SPATA16: variants seen among roughly 807,000 people sequenced by gnomAD.
The protein encoded by SPATA16 is spermatogenesis-associated protein 16.
Under a neutral mutation model 63.3 loss-of-function variants are expected in SPATA16, and 36 were observed. The ratio of observed to expected loss-of-function variants is 0.57; its 90% CI spans 0.44 to 0.75. SPATA16 has a LOEUF of 0.75. SPATA16 is among the 30% of genes least tolerant of loss of function. The pLI is 0.00. For missense variants in SPATA16, 646 were observed against 679.3 expected (o/e 0.95, Z 0.54); for synonymous variants, 203 against 216.7 (o/e 0.94, Z 0.56).
chr3:173,065,985 C>T (rs1350194607), intron 2 of SPATA16, among the ~76,000 whole-genome samples: 3 of 152,170 alleles, frequency 2.0e-5, no homozygotes, highest in African/African-American at 7.2e-5. Flanking sequence ...ACTTGGGGTG[C>T]ATGCAGCTAT....
chr3:173,024,026 C>T (rs1386034925), intron 3 of SPATA16, among the ~76,000 whole-genome samples: 1 of 151,378 alleles, frequency 6.6e-6, no homozygotes, highest in Admixed American at 6.6e-5. Flanking sequence ...TACTGAATCA[C>T]ATTTTAACGA....
At chr3:172,980,546 T>G (rs770364499) in intron 4 of SPATA16, among the ~76,000 whole-genome samples, 1 of 152,170 alleles carries the variant, frequency 6.6e-6, no homozygotes, top group South Asian at 2.1e-4. Flanking sequence ...TCTGCTAATT[T>G]TGAGCCTTTA....
intron 4 of SPATA16, among the ~76,000 whole-genome samples, chr3:173,013,778 C>T (rs1432732497): frequency 6.6e-6 from 1 of 152,164 alleles, no homozygotes; most frequent in African/African-American, 2.4e-5. Flanking sequence ...TTAAATAAAA[C>T]AGAATACTTG....
intron 2 of SPATA16, among the ~76,000 whole-genome samples, chr3:173,065,415 C>G (rs7627208): frequency 0.24 from 36,179 of 151,960 alleles, 5,845 homozygotes; most frequent in African/African-American, 0.47. Flanking sequence ...GTATTTCTAA[C>G]AAGAATTTAA....
intron 10 of SPATA16, among the ~76,000 whole-genome samples, chr3:172,901,027 A>C (rs1732116232): frequency 6.6e-6 from 1 of 151,398 alleles, no homozygotes; most frequent in Non-Finnish European, 1.5e-5. Flanking sequence ...CCATCCAATA[A>C]ATTTTTTGTT....
chr3:173,024,663 T>C (rs896740020), intron 3 of SPATA16, among the ~76,000 whole-genome samples: 4 of 150,802 alleles, frequency 2.7e-5, no homozygotes, highest in Non-Finnish European at 5.9e-5. Flanking sequence ...AATGCTATGA[T>C]TTTTATGAAA....
At chr3:172,968,721 A>G (rs1193619194) in intron 5 of SPATA16, among the ~76,000 whole-genome samples, 1 of 152,182 alleles carries the variant, frequency 6.6e-6, no homozygotes, top group Non-Finnish European at 1.5e-5. Flanking sequence ...TATCTCCTTC[A>G]TGGGAACACT....
chr3:172,912,010 C>T (rs552635928), intron 10 of SPATA16, among the ~76,000 whole-genome samples: 1 of 152,172 alleles, frequency 6.6e-6, no homozygotes, highest in South Asian at 2.1e-4. Flanking sequence ...CATTCCAAAC[C>T]TAATTTATAA....
At chr3:172,899,271 T>C (rs924325964) in intron 10 of SPATA16, among the ~76,000 whole-genome samples, 1 of 152,082 alleles carries the variant, frequency 6.6e-6, no homozygotes, top group Non-Finnish European at 1.5e-5. Context: ...TTTTTTCTTT[T>C]AGTCCCATCA....
intron 4 of SPATA16, among the ~76,000 whole-genome samples, chr3:172,995,620 G>A (rs957512696): frequency 6.6e-6 from 1 of 152,036 alleles, no homozygotes; most frequent in Non-Finnish European, 1.5e-5. Context: ...AAAATGTCTT[G>A]AAATGTTAAG....
intron 2 of SPATA16, among the ~76,000 whole-genome samples, chr3:173,062,978 C>A (rs941502515): frequency 6.6e-6 from 1 of 152,170 alleles, no homozygotes; most frequent in Admixed American, 6.5e-5. Flanking sequence ...GCTCGCTGGC[C>A]CCCCACTCAC....
intron 9 of SPATA16, among the ~76,000 whole-genome samples, chr3:172,915,062 G>C (rs932918870): frequency 6.6e-6 from 1 of 151,978 alleles, no homozygotes; most frequent in African/African-American, 2.4e-5. Flanking sequence ...TCTAAAATAG[G>C]CTACAATATG....
At chr3:172,959,873 A>C (rs1245571221) in intron 5 of SPATA16, among the ~76,000 whole-genome samples, 1 of 149,122 alleles carries the variant, frequency 6.7e-6, no homozygotes, top group Admixed American at 6.7e-5. Context: ...AATCTAGAAA[A>C]AACTTAGCCT....
chr3:173,080,944 G>A (rs1736908323), intron 2 of SPATA16, among the ~76,000 whole-genome samples: 1 of 152,124 alleles, frequency 6.6e-6, no homozygotes, highest in South Asian at 2.1e-4. Flanking sequence ...TTCTCTGAAG[G>A]TACACTGTGA....
At chr3:172,960,148 A>C (rs894579397) in intron 5 of SPATA16, among the ~76,000 whole-genome samples, 2 of 152,196 alleles carry the variant, frequency 1.3e-5, no homozygotes, top group Non-Finnish European at 2.9e-5. Context: ...TTGCGAATAA[A>C]GGAAGAGACC....
chr3:173,026,491 CTAT>C (rs1461469198), intron 3 of SPATA16, among the ~76,000 whole-genome samples: 1 of 151,798 alleles, frequency 6.6e-6, no homozygotes, highest in Non-Finnish European at 1.5e-5. Flanking sequence ...TTAAAATATA[CTAT>C]TTAAGAAAAC....
At chr3:172,926,172 G>A (rs964879733) in intron 6 of SPATA16, among the ~76,000 whole-genome samples, 1 of 146,060 alleles carries the variant, frequency 6.8e-6, no homozygotes, top group African/African-American at 2.7e-5. Flanking sequence ...AGGAAATAAT[G>A]TTAGTTATAA....
At chr3:172,907,071 G>A (rs79497403) in intron 10 of SPATA16, among the ~76,000 whole-genome samples, 14,849 of 152,156 alleles carry the variant, frequency 0.098, 832 homozygotes, top group African/African-American at 0.15. Context: ...CTATCCTTTC[G>A]TTTGATGATC....
At chr3:173,042,687 A>G (rs557240190) in intron 3 of SPATA16, among the ~76,000 whole-genome samples, 3 of 152,314 alleles carry the variant, frequency 2.0e-5, no homozygotes, top group East Asian at 1.9e-4. Flanking sequence ...GAGAAAACAG[A>G]GGCCAAGGGA....
Sources: gnomAD v4.1 joint callset for allele counts (sites outside exome capture counted in the v4.1 genomes callset) on GRCh38, gnomAD v4.1.1 for gene constraint, MANE v1.5 for transcripts, NCBI Gene and HGNC (gene_info 2026-07-23, HGNC 2026-07-21) for gene names.